The following PTPN4 variants were observed in gnomAD, a reference collection of about 807,000 sequenced individuals.
PTPN4 encodes tyrosine-protein phosphatase non-receptor type 4.
In PTPN4, 49 loss-of-function variants were observed where a neutral mutation model predicts 135.5. That is an observed-to-expected ratio of 0.36 (90% confidence interval 0.29 to 0.46). The LOEUF (loss-of-function observed/expected upper bound fraction) is 0.46, where lower values mean the gene tolerates loss of function less well. Ranked by LOEUF, PTPN4 falls within the 20% of genes least tolerant of loss-of-function variation. The probability of loss-of-function intolerance (pLI) is 1.00; values close to 1 mark genes in which losing one functional copy is unlikely to be tolerated. For missense variants in PTPN4, 860 were observed against 1,101.0 expected, an observed-to-expected ratio of 0.78 and a Z score of 3.10; for synonymous variants, 333 against 369.9, an observed-to-expected ratio of 0.90 and a Z score of 1.14.
rs374558758 is a variant in PTPN4, at chr2:119,814,442, A to G, written c.138+4451A>G. 4.6e-5 allele frequency among the ~76,000 whole-genome samples: 7 copies of G among 152,240 alleles called. No homozygotes were observed. The East Asian group carries it at 1.2e-3, about 25-fold the overall frequency. On this transcript the variant is annotated intron_variant, in intron 2 of 26. Coordinates refer to ENST00000263708, the MANE Select transcript of PTPN4 (RefSeq NM_002830.4). ...GGAGGGGAAGTGAGAGAAGTCATGT[A>G]GGGGCTGTTACTTGTATAGACTCTC...
At chr2:119,873,077 C>T (rs1435605440) in intron 3 of PTPN4, among the ~76,000 whole-genome samples, 1 of 152,124 alleles carries the variant, frequency 6.6e-6, no homozygotes, top group Non-Finnish European at 1.5e-5. Context: ...CTTACAGCAG[C>T]CTCAGCCTCT....
At chr2:119,949,155 A>G (rs1160374823) in intron 18 of PTPN4, among the ~76,000 whole-genome samples, 1 of 152,174 alleles carries the variant, frequency 6.6e-6, no homozygotes, top group East Asian at 1.9e-4. Context: ...TAATCTGTAC[A>G]TATTGTTGGT....
intron 1 of PTPN4, among the ~76,000 whole-genome samples, chr2:119,783,100 T>C (rs1318753528): frequency 6.6e-6 from 1 of 152,152 alleles, no homozygotes; most frequent in East Asian, 1.9e-4. Flanking sequence ...TGCCCTGTTT[T>C]TGCTGCTTTG....
chr2:119,907,042 G>A (rs1678499809), intron 10 of PTPN4, among the ~76,000 whole-genome samples: 1 of 152,022 alleles, frequency 6.6e-6, no homozygotes, highest in Non-Finnish European at 1.5e-5. Context: ...AATCAAGAAC[G>A]CAATCTCATT....
Position 119,932,567 on chromosome 2 carries a change from G to T in PTPN4, c.1196+18G>T. On this transcript the variant is annotated intron_variant, in intron 14 of 26. Transcript: ENST00000263708. ...CCTAATCAGTAAGTGTGAATTTTGTGACCAACATCAGGTGTGAATTTTGCT... is the reference window on the plus strand; with the variant it reads ...CCTAATCAGTAAGTGTGAATTTTGTTACCAACATCAGGTGTGAATTTTGCT... The T allele has an allele frequency of 6.3e-7, 1 of 1,584,988 alleles. No individual in the cohort carries two copies. The highest frequency in any genetic ancestry group is 1.2e-5 in the South Asian group (1 of 84,960).
In PTPN4 at chr2:119,760,185, C is replaced by T; in HGVS notation, c.-217C>T. 1 of 394,456 alleles carries T rather than the reference C, an allele frequency of 2.5e-6. No individual in the cohort carries two copies. Among genetic ancestry groups the T allele is most frequent in the Non-Finnish European group, 4.5e-6 (1 of 223,458 alleles). The allele number at this position is 394,456 out of a possible 1,614,324, so 24.4% of individuals were successfully genotyped here. A position where few individuals can be genotyped will look rare whatever the true frequency, so the allele number is the denominator to read the frequency against. On this transcript the variant is annotated 5_prime_UTR_variant, in exon 1 of 27. Coordinates refer to ENST00000263708, the MANE Select transcript of PTPN4 (RefSeq NM_002830.4). ...GCCCGCCTCCCTGCCACCTCCCCAG[C>T]GGCGCCGGCCCGCGGCTGCCCAGCA...
chr2:119,775,577 C>T (rs1690820631), intron 1 of PTPN4, among the ~76,000 whole-genome samples: 2 of 152,140 alleles, frequency 1.3e-5, no homozygotes, highest in Admixed American at 6.5e-5. Context: ...ACATGATACT[C>T]TATGGAAAGG....
At chr2:119,877,947 A>T (rs1678010410) in intron 5 of PTPN4, among the ~76,000 whole-genome samples, 1 of 152,092 alleles carries the variant, frequency 6.6e-6, no homozygotes, top group Non-Finnish European at 1.5e-5. Context: ...ATTGGGGAGA[A>T]CATAGAATTT....
intron 9 of PTPN4, among the ~76,000 whole-genome samples, chr2:119,895,412 G>A (rs1346797895): frequency 1.3e-5 from 2 of 152,160 alleles, no homozygotes; most frequent in African/African-American, 2.4e-5. Context: ...GGCCGAGGTG[G>A]GTGGATCACC....
At chr2:119,975,452 G>T (rs11904838) in intron 26 of PTPN4, among the ~76,000 whole-genome samples, 2 of 152,142 alleles carry the variant, frequency 1.3e-5, no homozygotes, top group African/African-American at 4.8e-5. Context: ...GGATGGGTGC[G>T]GTGGCTCACG....
chr2:119,787,662 A>G (rs1392040778), intron 1 of PTPN4, among the ~76,000 whole-genome samples: 8 of 152,208 alleles, frequency 5.3e-5, no homozygotes, highest in Non-Finnish European at 8.8e-5. Flanking sequence ...GTATGGTAGA[A>G]TGATTGCAGC....
At chr2:119,871,227 A>G (rs973457742) in intron 3 of PTPN4, among the ~76,000 whole-genome samples, 1 of 150,596 alleles carries the variant, frequency 6.6e-6, no homozygotes, top group Non-Finnish European at 1.5e-5. Context: ...GGCTCGGGAA[A>G]TGTGCATTCT....
chr2:119,779,278 A>C (rs1690894410), intron 1 of PTPN4, among the ~76,000 whole-genome samples: 1 of 152,266 alleles, frequency 6.6e-6, no homozygotes, highest in South Asian at 2.1e-4. Context: ...CTAAGTTGGT[A>C]GCAAAGCAGA....
In PTPN4 at chr2:119,784,043, A is replaced by G. The variant is rs112140142; in HGVS notation, c.-18+23659A>G. 3.0e-3 allele frequency among the ~76,000 whole-genome samples: 460 copies of G among 152,244 alleles called. 2 individuals carry two copies. The highest frequency in any genetic ancestry group is 9.2e-3 in the African/African-American group (384 of 41,520). On this transcript the variant is annotated intron_variant, in intron 1 of 26. Transcript: ENST00000263708. Reference sequence around the variant, plus strand: ...CAGAGCACTTATGTATGGTTTCTCTATATGGCTTGGGCTTCTTAACAGCAT... The same window carrying G: ...CAGAGCACTTATGTATGGTTTCTCTGTATGGCTTGGGCTTCTTAACAGCAT...
At chr2:119,946,853 A>G (rs1201013205) in intron 18 of PTPN4, among the ~76,000 whole-genome samples, 1 of 152,130 alleles carries the variant, frequency 6.6e-6, no homozygotes, top group African/African-American at 2.4e-5. Flanking sequence ...AAAACAAAAT[A>G]TAGACAGAGG....
intron 14 of PTPN4, among the ~76,000 whole-genome samples, chr2:119,934,099 A>G (rs562520444): frequency 6.6e-6 from 1 of 152,338 alleles, no homozygotes; most frequent in South Asian, 2.1e-4. Context: ...TTCAGGTATA[A>G]TCTAAAAAGA....
intron 9 of PTPN4, among the ~76,000 whole-genome samples, chr2:119,892,736 T>C (rs1156831223): frequency 2.0e-5 from 3 of 151,962 alleles, no homozygotes; most frequent in Non-Finnish European, 4.4e-5. Flanking sequence ...TCTTTCTTTC[T>C]TTTGAGGCAG....
intron 18 of PTPN4, among the ~76,000 whole-genome samples, chr2:119,949,444 G>A (rs768703088): frequency 1.4e-4 from 22 of 151,864 alleles, no homozygotes; most frequent in Non-Finnish European, 2.5e-4. Context: ...TTTTTATATT[G>A]GACATCTTCT....
chr2:119,869,267 C>T (rs1376431753), intron 3 of PTPN4, among the ~76,000 whole-genome samples: 2 of 152,192 alleles, frequency 1.3e-5, no homozygotes, highest in Non-Finnish European at 1.5e-5. Context: ...GCACAGGAAA[C>T]ACTTTAGGGT....
Sources: allele counts gnomAD v4.1 joint callset (sites outside exome capture counted in the v4.1 genomes callset), GRCh38; gene constraint gnomAD v4.1.1; transcripts MANE v1.5; gene names NCBI Gene and HGNC (gene_info 2026-07-23, HGNC 2026-07-21).